CSMD3: variants seen among roughly 807,000 people sequenced by gnomAD.
CSMD3 encodes CUB and Sushi multiple domains 3.
A neutral mutation model predicts 435.2 loss-of-function variants in CSMD3; 177 were observed. That is an observed-to-expected ratio of 0.41 (90% CI 0.36 to 0.46). The LOEUF is 0.46. CSMD3 is among the 20% of genes least tolerant of loss of function. CSMD3 has a pLI of 0.34. For missense variants in CSMD3, 4,265 were observed against 4,504.6 expected (o/e 0.95, Z 1.52); for synonymous variants, 1,656 against 1,520.5 (o/e 1.09, Z -2.07).
At chr8:113,109,395 T>A (rs750020755) in intron 4 of CSMD3, among the ~76,000 whole-genome samples, 11 of 152,266 alleles carry the variant, frequency 7.2e-5, no homozygotes, top group Admixed American at 2.0e-4. Context: ...CAAATTGCCC[T>A]CTGACTGTGA....
At chr8:112,317,532 A>G (rs866500089) in intron 47 of CSMD3, among the ~76,000 whole-genome samples, 27 of 152,022 alleles carry the variant, frequency 1.8e-4, no homozygotes, top group African/African-American at 5.6e-4. Context: ...CTGAACATGA[A>G]ACCGACATAA....
chr8:112,416,728 T>G (rs1403029512), intron 32 of CSMD3, among the ~76,000 whole-genome samples: 1 of 152,182 alleles, frequency 6.6e-6, no homozygotes, highest in African/African-American at 2.4e-5. Context: ...TTTATGTAAA[T>G]TAATATTTCA....
chr8:112,310,569 G>C (rs184464467), intron 50 of CSMD3: 37 of 235,264 alleles, frequency 1.6e-4, no homozygotes, highest in Admixed American at 4.0e-4. Context: ...TTGTTGCTGT[G>C]AGTGCAAATT....
intron 4 of CSMD3, among the ~76,000 whole-genome samples, chr8:113,123,087 A>G (rs2091030623): frequency 1.3e-5 from 1 of 76,906 alleles, no homozygotes; most frequent in Non-Finnish European, 2.1e-5. Flanking sequence ...TTTCACTCCA[A>G]GAAATGCCAG....
chr8:112,946,908 A>G (rs1587733260), intron 9 of CSMD3, among the ~76,000 whole-genome samples: 1 of 151,742 alleles, frequency 6.6e-6, no homozygotes, highest in South Asian at 2.1e-4. Context: ...AATTTATTAT[A>G]GGTCTATATT....
chr8:113,319,846 GCTCATTGTT>G (rs2093937159), intron 1 of CSMD3, among the ~76,000 whole-genome samples: 1 of 152,024 alleles, frequency 6.6e-6, no homozygotes, highest in Admixed American at 6.6e-5. Flanking sequence ...GGTTATTCTT[GCTCATTGTT>G]CTCATAAATC....
intron 10 of CSMD3, among the ~76,000 whole-genome samples, chr8:112,868,625 A>G (rs1342102618): frequency 6.6e-6 from 1 of 152,186 alleles, no homozygotes; most frequent in Non-Finnish European, 1.5e-5. Context: ...ATGCAAAGCT[A>G]CAGTAATCAT....
At chr8:112,818,556 G>A (rs1160549053) in intron 12 of CSMD3, among the ~76,000 whole-genome samples, 1 of 152,148 alleles carries the variant, frequency 6.6e-6, no homozygotes, top group East Asian at 1.9e-4. Context: ...TGTTAGAAAA[G>A]CATTATTTAA....
At chr8:112,984,692 T>C (rs1381115754) in intron 6 of CSMD3, among the ~76,000 whole-genome samples, 1 of 152,086 alleles carries the variant, frequency 6.6e-6, no homozygotes, top group African/African-American at 2.4e-5. Context: ...ATAAAATGGG[T>C]GAAATATGAA....
At chr8:112,570,963 A>C (rs1326731426) in intron 24 of CSMD3, among the ~76,000 whole-genome samples, 1 of 152,176 alleles carries the variant, frequency 6.6e-6, no homozygotes. Flanking sequence ...TCCAGTCTCC[A>C]TAAACATACA....
chr8:113,398,495 G>A (rs1283940132), intron 1 of CSMD3, among the ~76,000 whole-genome samples: 1 of 152,094 alleles, frequency 6.6e-6, no homozygotes, highest in Non-Finnish European at 1.5e-5. Context: ...ACACATGAAA[G>A]TTGATCCTCC....
At chr8:112,646,734 T>C (rs187617447) in intron 19 of CSMD3, among the ~76,000 whole-genome samples, 167 of 152,302 alleles carry the variant, frequency 1.1e-3, no homozygotes, top group African/African-American at 3.9e-3. Context: ...AGTGAAGATT[T>C]CTGTTATTTG....
At chr8:112,949,822 T>C (rs2083745252) in intron 8 of CSMD3, among the ~76,000 whole-genome samples, 1 of 152,012 alleles carries the variant, frequency 6.6e-6, no homozygotes, top group South Asian at 2.1e-4. Flanking sequence ...CCAAGTCCCG[T>C]TGTCTGTTCG....
At chr8:112,237,085 T>C in intron 67 of CSMD3, 105 bp downstream of exon 67, 1 of 1,333,616 alleles carries the variant, frequency 7.5e-7, no homozygotes. Flanking sequence ...AGCAAATGTA[T>C]CAAAATAAAC....
chr8:112,602,885 T>C (rs1832481416), intron 22 of CSMD3, among the ~76,000 whole-genome samples: 2 of 152,164 alleles, frequency 1.3e-5, no homozygotes, highest in African/African-American at 4.8e-5. Flanking sequence ...CATCAGTCTA[T>C]GGTACATATC....
At chr8:113,157,388 G>C (rs1216039401) in intron 4 of CSMD3, among the ~76,000 whole-genome samples, 1 of 149,900 alleles carries the variant, frequency 6.7e-6, no homozygotes, top group Non-Finnish European at 1.5e-5. Context: ...TGACACTGTG[G>C]CAGGCTGACT....
At chr8:113,333,740 ATTAT>A (rs747211212) in intron 1 of CSMD3, among the ~76,000 whole-genome samples, 21 of 151,874 alleles carry the variant, frequency 1.4e-4, no homozygotes, top group Admixed American at 2.6e-4. Context: ...ATTTTTCAAA[ATTAT>A]TTATTCTAGT....
intron 3 of CSMD3, among the ~76,000 whole-genome samples, chr8:113,251,492 TCAC>T (rs1032646590): frequency 6.6e-6 from 1 of 151,982 alleles, no homozygotes; most frequent in African/African-American, 2.4e-5. Flanking sequence ...AAAGTTAATA[TCAC>T]CTTCCTTATT....
intron 1 of CSMD3, among the ~76,000 whole-genome samples, chr8:113,370,080 CTA>C (rs1327892088): frequency 6.6e-6 from 1 of 151,542 alleles, no homozygotes; most frequent in Non-Finnish European, 1.5e-5. Flanking sequence ...AAACTGCTAA[CTA>C]TATGAGGTAA....
Sources: gnomAD v4.1 joint callset for allele counts (sites outside exome capture counted in the v4.1 genomes callset) on GRCh38, gnomAD v4.1.1 for gene constraint, MANE v1.5 for transcripts, NCBI Gene and HGNC (gene_info 2026-07-23, HGNC 2026-07-21) for gene names.